The following FECH variants were observed in gnomAD, a reference collection of about 807,000 sequenced individuals.
FECH encodes the protein ferrochelatase, also known as ferrochelatase, mitochondrial.
FECH carries 40 observed loss-of-function variants against 56.9 expected under a neutral mutation model. The ratio of observed to expected loss-of-function variants is 0.70; its 90% CI spans 0.55 to 0.92. The LOEUF is 0.92. Ranked by LOEUF, FECH falls within the 40% of genes least tolerant of loss-of-function variation. The pLI is 0.00. For synonymous variants in FECH, 175 were observed against 198.6 expected, an observed-to-expected ratio of 0.88 and a Z score of 1.00; for missense variants, 431 against 529.1, an observed-to-expected ratio of 0.81 and a Z score of 1.82.
chr18:57,558,115 C>A (rs767937199), intron 7 of FECH, among the ~76,000 whole-genome samples: 11 of 152,328 alleles, frequency 7.2e-5, no homozygotes, highest in Admixed American at 3.3e-4. Flanking sequence ...GACACTGAGG[C>A]TGACTCCATT....
In FECH at chr18:57,548,641, G is replaced by C. The variant is rs1197858202; in HGVS notation, c.*2071C>G. 1 of 152,144 alleles carries C rather than the reference G, an allele frequency of 6.6e-6. No individual in the cohort carries two copies. Among genetic ancestry groups the C allele is most frequent in the African/African-American group, 2.4e-5 (1 of 41,434 alleles). 9.4% of individuals were successfully genotyped at this position (152,144 alleles called of 1,614,324 possible). On this transcript the variant is annotated 3_prime_UTR_variant, in exon 11 of 11. Coordinates refer to ENST00000262093, the MANE Select transcript of FECH (RefSeq NM_000140.5). ...CCAAACACTAGCCTAATGTATGACC[G>C]TTACCCATCCGTGGTTAGTAACAAT...
chr18:57,554,469 A>G, intron 8 of FECH, 45 bp from the exon 9 acceptor site: 1 of 1,610,336 alleles, frequency 6.2e-7, no homozygotes, highest in Non-Finnish European at 8.5e-7. Flanking sequence ...ATGCCTCCTG[A>G]CGGTCTGTAG....
In FECH at chr18:57,550,706, C is replaced by G; in HGVS notation, c.*6G>C. 6.2e-7 allele frequency: 1 copy of G among 1,613,986 alleles called. No homozygotes were observed. The highest frequency in any genetic ancestry group is 1.1e-5 in the South Asian group (1 of 91,084). ...TGCCTAACGCCACGGGGTCCACCGGCGGGGGTCACAGCTGCTGGCTGGTGA... is the reference window on the plus strand; with the variant it reads ...TGCCTAACGCCACGGGGTCCACCGGGGGGGGTCACAGCTGCTGGCTGGTGA... On this transcript the variant is annotated 3_prime_UTR_variant, in exon 11 of 11. Coordinates refer to ENST00000262093, the MANE Select transcript of FECH (RefSeq NM_000140.5).
At chr18:57,567,676 T>C (rs187956941) in intron 4 of FECH, among the ~76,000 whole-genome samples, 74 of 152,330 alleles carry the variant, frequency 4.9e-4, no homozygotes, top group African/African-American at 1.7e-3. Flanking sequence ...CAAGAAACAT[T>C]TAGGTTAAAG....
chr18:57,570,006 G>C (rs1046179078), intron 4 of FECH, among the ~76,000 whole-genome samples: 2 of 131,208 alleles, frequency 1.5e-5, no homozygotes, highest in African/African-American at 5.3e-5. Context: ...ACTAGTTGTT[G>C]TTGCTGTTGT....
intron 2 of FECH, among the ~76,000 whole-genome samples, chr18:57,575,981 A>G (rs2122340270): frequency 6.6e-6 from 1 of 152,278 alleles, no homozygotes; most frequent in South Asian, 2.1e-4. Flanking sequence ...AAGATTAACT[A>G]AGGTCCCTTT....
chr18:57,573,614 G>A (rs887319148), intron 2 of FECH, among the ~76,000 whole-genome samples: 1 of 152,186 alleles, frequency 6.6e-6, no homozygotes, highest in Non-Finnish European at 1.5e-5. Context: ...CGCTAGAAAT[G>A]TTTCCCTTTT....
chr18:57,566,945 T>C (rs2051025775), intron 4 of FECH, among the ~76,000 whole-genome samples: 1 of 152,028 alleles, frequency 6.6e-6, no homozygotes, highest in Non-Finnish European at 1.5e-5. Context: ...TACCAGATAC[T>C]ATGGTAGCCA....
intron 4 of FECH, 66 bp downstream of exon 4, chr18:57,571,326 C>T: frequency 6.4e-7 from 1 of 1,555,840 alleles, no homozygotes; most frequent in Non-Finnish European, 8.9e-7. Context: ...ATCTACTACT[C>T]TTTTGAATTT....
chr18:57,575,896 C>G (rs754274555), intron 2 of FECH, among the ~76,000 whole-genome samples: 1 of 152,112 alleles, frequency 6.6e-6, no homozygotes, highest in Non-Finnish European at 1.5e-5. Context: ...TTTCAGAATA[C>G]GAATCAATTC....
intron 4 of FECH, among the ~76,000 whole-genome samples, chr18:57,570,936 G>A (rs2051096027): frequency 6.6e-6 from 1 of 152,216 alleles, no homozygotes; most frequent in Admixed American, 6.5e-5. Flanking sequence ...ATCACTGCGA[G>A]TTGCTTACTG....
rs939350599 is a variant in FECH, at chr18:57,559,183, C to A, written c.766G>T (p.Val256Leu). The A allele has an allele frequency of 3.1e-6, 5 of 1,613,708 alleles. No homozygotes were observed. The highest frequency in any genetic ancestry group is 4.2e-6 in the Non-Finnish European group (5 of 1,179,790). ...DHFPLEKRSE[V>L]VILFSAHSLP... The stretch of plus-strand genomic sequence containing the variant: ...GAGTGAGCAGAAAACAGAATGACCA[C>A]CTCGCTTCTCTTCTCAAGTGGAAAA... The change falls in exon 7 of 11, where the codon GTG (valine) becomes TTG (leucine). Residue 256 changes from valine to leucine, a missense_variant. By Grantham distance (32) the Val-to-Leu change is conservative. Coordinates refer to ENST00000262093, the MANE Select transcript of FECH (RefSeq NM_000140.5).
At chr18:57,555,275 C>A (rs536218192) in intron 7 of FECH, among the ~76,000 whole-genome samples, 11 of 152,288 alleles carry the variant, frequency 7.2e-5, no homozygotes, top group Non-Finnish European at 1.6e-4. Context: ...GAAGAAGACA[C>A]AGAAAAGCTG....
chr18:57,565,904 G>A (rs916776494), intron 5 of FECH, among the ~76,000 whole-genome samples: 2 of 152,100 alleles, frequency 1.3e-5, no homozygotes, highest in East Asian at 1.9e-4. Context: ...TACAGAAAAC[G>A]ACAAGCAGTA....
At chr18:57,572,898 C>A (rs1365659496) in intron 3 of FECH, 6 of 249,534 alleles carry the variant, frequency 2.4e-5, no homozygotes, top group South Asian at 1.7e-4. Context: ...ATTTATAGTA[C>A]AAATGAATAA....
chr18:57,554,805 CA>C, intron 8 of FECH, 39 bp downstream of exon 8: 1 of 1,507,826 alleles, frequency 6.6e-7, no homozygotes. Flanking sequence ...TAAATTTTAC[CA>C]ATAAGAGCTG....
intron 2 of FECH, among the ~76,000 whole-genome samples, chr18:57,576,480 C>T (rs775017434): frequency 1.3e-4 from 20 of 152,214 alleles, no homozygotes; most frequent in Admixed American, 2.0e-4. Flanking sequence ...AAATCTGTGA[C>T]TCACAATAAA....
intron 2 of FECH, among the ~76,000 whole-genome samples, chr18:57,573,882 A>G (rs1021330446): frequency 6.6e-6 from 1 of 152,228 alleles, no homozygotes; most frequent in Admixed American, 6.5e-5. Flanking sequence ...TCTACTCTAC[A>G]CAGAGCAGGG....
In FECH at chr18:57,550,808, G is replaced by A. The variant is rs369783027; in HGVS notation, c.1176C>T (p.Asn392=). 9.0e-5 allele frequency: 145 copies of A among 1,613,960 alleles called. No individual in the cohort carries two copies. In the African/African-American group the frequency reaches 1.5e-3, roughly 16 times the overall value. ...ADLVHSHIQS[N]ELCSKQLTLS... ...GGGTCAGCTGCTTGGAACACAGCTC[G>A]TTTGACTGGATGTGTGAATGCACCA... The change falls in exon 11 of 11, where the codon AAC becomes AAT. Residue 392 remains asparagine (N), a synonymous_variant. Coordinates refer to ENST00000262093, the MANE Select transcript of FECH (RefSeq NM_000140.5).
Sources: gnomAD v4.1 joint callset for allele counts (sites outside exome capture counted in the v4.1 genomes callset) on GRCh38, gnomAD v4.1.1 for gene constraint, MANE v1.5 for transcripts, NCBI Gene and HGNC (gene_info 2026-07-23, HGNC 2026-07-21) for gene names.